Variants in MED27 observed in about 807,000 individuals in gnomAD.
MED27 encodes the protein mediator of RNA polymerase II transcription subunit 27.
A neutral mutation model predicts 38.2 loss-of-function variants in MED27; 30 were observed. The ratio of observed to expected loss-of-function variants is 0.79; its 90% CI spans 0.59 to 1.07. The LOEUF (loss-of-function observed/expected upper bound fraction) is 1.07, where lower values mean the gene tolerates loss of function less well. Ranked by LOEUF, MED27 falls within the 50% of genes least tolerant of loss-of-function variation. The pLI is 0.00. For synonymous variants in MED27, 122 were observed against 153.5 expected (o/e 0.79, Z 1.52); for missense variants, 289 against 397.5 (o/e 0.73, Z 2.32).
At chr9:131,923,590 A>T (rs1830434463) in intron 4 of MED27, among the ~76,000 whole-genome samples, 1 of 152,136 alleles carries the variant, frequency 6.6e-6, no homozygotes, top group South Asian at 2.1e-4. Context: ...TCTTTTTTAA[A>T]ATCTTGTCCA....
chr9:132,071,421 CATGA>C (rs756697899), intron 2 of MED27, among the ~76,000 whole-genome samples: 5 of 149,736 alleles, frequency 3.3e-5, no homozygotes, highest in African/African-American at 1.2e-4. Context: ...CACACACACA[CATGA>C]ATAACAGGTG....
At chr9:131,941,974 C>T (rs528309371) in intron 3 of MED27, among the ~76,000 whole-genome samples, 3 of 151,712 alleles carry the variant, frequency 2.0e-5, no homozygotes, top group African/African-American at 4.8e-5. Context: ...TACAGGTGCC[C>T]GCCACCACGC....
chr9:132,050,830 G>A (rs1324524678), intron 2 of MED27, among the ~76,000 whole-genome samples: 1 of 152,108 alleles, frequency 6.6e-6, no homozygotes, highest in Non-Finnish European at 1.5e-5. Context: ...TTATAGTTTT[G>A]TCTCCCCCGG....
At chr9:131,932,045 T>C (rs1830598729) in intron 4 of MED27, among the ~76,000 whole-genome samples, 3 of 152,056 alleles carry the variant, frequency 2.0e-5, no homozygotes, top group Admixed American at 1.3e-4. Context: ...AGAACACATA[T>C]TCTTCTCCTC....
intron 3 of MED27, among the ~76,000 whole-genome samples, chr9:131,993,693 G>C (rs1564316150): frequency 6.6e-6 from 1 of 152,174 alleles, no homozygotes; most frequent in Non-Finnish European, 1.5e-5. Flanking sequence ...CCAACATACA[G>C]CAGGTCCTCA....
chr9:131,882,699 G>T (rs927479755), intron 6 of MED27, among the ~76,000 whole-genome samples: 5 of 152,130 alleles, frequency 3.3e-5, no homozygotes, highest in Admixed American at 2.6e-4. Context: ...TCACGGGGCT[G>T]GCTCCTCCTC....
chr9:132,000,761 T>C (rs930028356), intron 3 of MED27, among the ~76,000 whole-genome samples: 3 of 151,944 alleles, frequency 2.0e-5, no homozygotes, highest in Non-Finnish European at 4.4e-5. Flanking sequence ...AATTTTTTTT[T>C]TTTTTTTAGA....
intron 3 of MED27, among the ~76,000 whole-genome samples, chr9:131,973,711 G>C (rs148183561): frequency 6.6e-6 from 1 of 151,636 alleles, no homozygotes; most frequent in Non-Finnish European, 1.5e-5. Context: ...TGTATTACTG[G>C]ATTCTTTTTT....
intron 6 of MED27, chr9:131,869,511 C>A (rs1432055095): frequency 1.3e-6 from 1 of 748,722 alleles, no homozygotes; most frequent in South Asian, 6.0e-5. Context: ...CCGCCCTCCC[C>A]CTTGGCGGAG....
chr9:132,070,831 C>G (rs1355580886), intron 2 of MED27, among the ~76,000 whole-genome samples: 2 of 151,818 alleles, frequency 1.3e-5, no homozygotes, highest in African/African-American at 2.4e-5. Flanking sequence ...CTTACCTCCA[C>G]CCCCAGGTTC....
intron 3 of MED27, among the ~76,000 whole-genome samples, chr9:131,957,046 G>A (rs1045172052): frequency 1.3e-5 from 2 of 152,216 alleles, no homozygotes; most frequent in South Asian, 2.1e-4. Context: ...ATGTCGGTGA[G>A]GATGCAGAGC....
At chr9:132,030,971 A>G (rs998413049) in intron 2 of MED27, among the ~76,000 whole-genome samples, 1 of 152,260 alleles carries the variant, frequency 6.6e-6, no homozygotes, top group Admixed American at 6.5e-5. Flanking sequence ...CTAAACACCT[A>G]CCCTGAACAG....
intron 2 of MED27, among the ~76,000 whole-genome samples, chr9:132,075,765 T>C (rs533329018): frequency 6.6e-6 from 1 of 152,214 alleles, no homozygotes; most frequent in Admixed American, 6.5e-5. Flanking sequence ...ACTTTACCCA[T>C]GGAATACATC....
intron 3 of MED27, among the ~76,000 whole-genome samples, chr9:131,957,427 T>G (rs1831127742): frequency 6.6e-6 from 1 of 152,100 alleles, no homozygotes; most frequent in Admixed American, 6.5e-5. Context: ...ACTAATTTTT[T>G]TTATTTTTAG....
chr9:132,047,815 C>G (rs1469664651), intron 2 of MED27, among the ~76,000 whole-genome samples: 1 of 152,022 alleles, frequency 6.6e-6, no homozygotes, highest in Admixed American at 6.5e-5. Flanking sequence ...TAGTGGGAAA[C>G]AGGGTGAGGC....
chr9:131,975,646 C>T (rs746069507), intron 3 of MED27, among the ~76,000 whole-genome samples: 2 of 152,146 alleles, frequency 1.3e-5, no homozygotes, highest in African/African-American at 2.4e-5. Flanking sequence ...AATCCCTGCC[C>T]TCAAAGAGTT....
At chr9:132,059,826 CT>C (rs1159525269) in intron 2 of MED27, among the ~76,000 whole-genome samples, 1 of 152,206 alleles carries the variant, frequency 6.6e-6, no homozygotes, top group Admixed American at 6.5e-5. Context: ...GCTTAGGTGA[CT>C]GTTGATATAT....
At chr9:131,964,287 T>C (rs1208044384) in intron 3 of MED27, among the ~76,000 whole-genome samples, 2 of 136 alleles carry the variant, frequency 0.015, no homozygotes, top group African/African-American at 0.048. Context: ...GTGATGGTGG[T>C]GGTTGATAGC....
At chr9:132,021,461 G>C (rs546935597) in intron 2 of MED27, among the ~76,000 whole-genome samples, 1 of 152,068 alleles carries the variant, frequency 6.6e-6, no homozygotes, top group Admixed American at 6.5e-5. Context: ...ACAGAAGAAA[G>C]GGAAAAAAAG....
Sources: allele counts gnomAD v4.1 joint callset (sites outside exome capture counted in the v4.1 genomes callset), GRCh38; gene constraint gnomAD v4.1.1; transcripts MANE v1.5; gene names NCBI Gene and HGNC (gene_info 2026-07-23, HGNC 2026-07-21).